FAM118B: variants seen among roughly 807,000 people sequenced by gnomAD.
FAM118B encodes the protein SIR2 antiphage like 1.
Under a neutral mutation model 38.5 loss-of-function variants are expected in FAM118B, and 24 were observed. The observed-to-expected ratio is 0.62, with a 90% CI of 0.45 to 0.88. The LOEUF (loss-of-function observed/expected upper bound fraction) is 0.88, where lower values mean the gene tolerates loss of function less well. FAM118B is among the 40% of genes least tolerant of loss of function. The pLI, the probability that FAM118B is intolerant of heterozygous loss-of-function variation, is 0.00. For missense variants in FAM118B, 334 were observed against 420.0 expected (o/e 0.80, Z 1.79); for synonymous variants, 138 against 156.3 (o/e 0.88, Z 0.87).
chr11:126,240,880 G>A lies in FAM118B; in HGVS notation c.175G>A (p.Val59Ile), dbSNP rs1287089251. The stretch of plus-strand genomic sequence containing the variant: ...CATTAGTGCTGCAGTTGCGCCCCAA[G>A]TTCCAGCCCTCAAATCCTGGAAGGG... ...TGISAAVAPQ[V>I]PALKSWKGLI... Residue 59 changes from valine to isoleucine, a missense_variant, in exon 4 of 9, where the codon GTT (valine) becomes ATT (isoleucine). By Grantham distance (29) the Val-to-Ile change is conservative (BLOSUM62 3). Around this residue, in one of 3 missense-constraint regions of FAM118B, gnomAD observed 240 missense variants for 295.9 expected, o/e 0.81. Coordinates refer to ENST00000533050, the MANE Select transcript of FAM118B (RefSeq NM_024556.4). The A allele has an allele frequency of 1.2e-6, 2 of 1,614,204 alleles. No homozygotes were observed. Among genetic ancestry groups the A allele is most frequent in the East Asian group, 2.2e-5 (1 of 44,894 alleles).
intron 3 of FAM118B, among the ~76,000 whole-genome samples, chr11:126,238,213 T>G (rs1007898101): frequency 6.6e-6 from 1 of 151,700 alleles, no homozygotes; most frequent in African/African-American, 2.4e-5. Context: ...AATACAAAAA[T>G]TGGCTGGGTG....
intron 6 of FAM118B, among the ~76,000 whole-genome samples, chr11:126,254,776 TG>T (rs1950551034): frequency 6.6e-6 from 1 of 152,136 alleles, no homozygotes; most frequent in Non-Finnish European, 1.5e-5. Flanking sequence ...TAGTGAGCTG[TG>T]TCTAGAGCCA....
rs1355725970 is a variant in FAM118B, at chr11:126,253,515, T to G, written c.568-790T>G. Among the ~76,000 whole-genome samples the G allele has an allele frequency of 1.3e-5, 2 of 152,238 alleles. No individual in the cohort carries two copies. The highest frequency in any genetic ancestry group is 4.8e-5 in the African/African-American group (2 of 41,466). On this transcript the variant is annotated intron_variant, in intron 5 of 8. Transcript: ENST00000533050. This position sits in a 1 kb window ranked among gnomAD's most constrained non-coding sequence, Gnocchi z 5.1. ...CCTCAGAGGTGACTGAAGTGATTTT[T>G]CTATCACTTATCTATTGCTGTACAA...
At chr11:126,219,349 C>CTTCTTTTTTTTTTTTTTTTTTTTTT (rs1950028762) in intron 1 of FAM118B, among the ~76,000 whole-genome samples, 1 of 44,414 alleles carries the variant, frequency 2.3e-5, no homozygotes, top group Non-Finnish European at 3.9e-5. Context: ...TCTTGTTTAT[C>CTTCTTTTTTTTTTTTTTTTTTTTTT]TTTTTTTTTT....
At chr11:126,225,585 T>C (rs1012492269) in intron 1 of FAM118B, among the ~76,000 whole-genome samples, 1 of 152,230 alleles carries the variant, frequency 6.6e-6, no homozygotes, top group Non-Finnish European at 1.5e-5. Context: ...GAGTGTCCTT[T>C]TGTAGTTTCT....
intron 3 of FAM118B, among the ~76,000 whole-genome samples, chr11:126,237,349 T>A (rs1283847563): frequency 6.7e-6 from 1 of 148,596 alleles, no homozygotes; most frequent in Non-Finnish European, 1.5e-5. Flanking sequence ...GCCTCCTGAG[T>A]AGCTGGGATT....
rs1481707908 is a variant in FAM118B at position 126,255,988 on chromosome 11, T to C, written c.697-579T>C. Among the ~76,000 whole-genome samples the C allele has an allele frequency of 6.6e-6, 1 of 151,592 alleles. No individual in the cohort carries two copies. Among genetic ancestry groups the C allele is most frequent in the African/African-American group, 2.4e-5 (1 of 41,266 alleles). On this transcript the variant is annotated intron_variant, in intron 6 of 8. Transcript: ENST00000533050. This position sits in a 1 kb window ranked among gnomAD's most constrained non-coding sequence, Gnocchi z 4.6. ...AAATAAAAATAAAAAAGTAAACTAC[T>C]GGCCAAGTGCAGTGGCTCACGCCTG...
At chr11:126,254,201 T>G in intron 5 of FAM118B, 104 bp from the exon 6 acceptor site, 1 of 1,367,228 alleles carries the variant, frequency 7.3e-7, no homozygotes, top group Non-Finnish European at 9.9e-7. Context: ...AGCTAGAGAG[T>G]TTATGTCAGA....
intron 1 of FAM118B, among the ~76,000 whole-genome samples, chr11:126,219,868 AAAAG>A (rs1195858257): frequency 6.6e-6 from 1 of 152,112 alleles, no homozygotes; most frequent in Non-Finnish European, 1.5e-5. Flanking sequence ...AAAAAAAAAA[AAAAG>A]CAGCTCGAGC....
chr11:126,247,965 ACTAT>A (rs940841439), intron 4 of FAM118B, among the ~76,000 whole-genome samples: 2 of 144,488 alleles, frequency 1.4e-5, no homozygotes, highest in African/African-American at 2.6e-5. Flanking sequence ...ACAGACACAC[ACTAT>A]CAATACATTA....
At chr11:126,243,950 A>G (rs577025934) in intron 4 of FAM118B, among the ~76,000 whole-genome samples, 5 of 152,220 alleles carry the variant, frequency 3.3e-5, no homozygotes, top group Non-Finnish European at 7.4e-5. Flanking sequence ...CATCATATCA[A>G]TAGGATAAAA....
rs79886580 is a variant in FAM118B, at chr11:126,255,504, C to T, written c.697-1063C>T. Among the ~76,000 whole-genome samples the T allele has an allele frequency of 0.01, 1,588 of 152,242 alleles. 69 individuals carry two copies. In the East Asian group the frequency reaches 0.12, roughly 12 times the overall value. Reference sequence around the variant, plus strand: ...GTGTATATGTATACACACACACACACATACTGATGTTCTAAGTATCAAACG... The same window carrying T: ...GTGTATATGTATACACACACACACATATACTGATGTTCTAAGTATCAAACG... On this transcript the variant is annotated intron_variant, in intron 6 of 8. Transcript: ENST00000533050. The surrounding 1 kb of genome is among the most constrained non-coding windows in gnomAD (Gnocchi z 4.6).
In FAM118B at chr11:126,253,028, C is replaced by CT. The variant is rs1444017697; in HGVS notation, c.568-1276dup. ...CCAATCTGGGCAACAGACCAAGACT[C>CT]TGTCTAAAAACAAACAAACAAATGA... On this transcript the variant is annotated intron_variant, in intron 5 of 8. Transcript: ENST00000533050. This position sits in a 1 kb window ranked among gnomAD's most constrained non-coding sequence, Gnocchi z 5.1. 6.6e-6 allele frequency among the ~76,000 whole-genome samples: 1 copy of CT among 152,172 alleles called. No homozygotes were observed. The highest frequency in any genetic ancestry group is 2.4e-5 in the African/African-American group (1 of 41,452).
At chr11:126,220,905 G>T (rs1419942013) in intron 1 of FAM118B, among the ~76,000 whole-genome samples, 3 of 151,972 alleles carry the variant, frequency 2.0e-5, no homozygotes, top group Non-Finnish European at 4.4e-5. Context: ...GAGAATAGTA[G>T]GCCGGGCGCA....
chr11:126,247,234 A>T (rs1324144492), intron 4 of FAM118B, among the ~76,000 whole-genome samples: 1 of 152,118 alleles, frequency 6.6e-6, no homozygotes, highest in Non-Finnish European at 1.5e-5. Flanking sequence ...CAAGGCTGCA[A>T]TGAGCCACGT....
In FAM118B at chr11:126,241,030, C is replaced by T; in HGVS notation, c.325C>T (p.Gln109Ter). The change falls in exon 4 of 9, where the codon CAG becomes TAG. Residue 109 changes from glutamine to a stop codon, truncating the protein, a stop_gained. Coordinates refer to ENST00000533050, the MANE Select transcript of FAM118B (RefSeq NM_024556.4). LOFTEE classifies it high-confidence loss of function. ...GGTCCATGTTGCCCATGACCTTATC[C>T]AGAAACTCTCTCCTGTGAGTACCCT... ...NLVHVAHDLI[Q>*]KLSPRTSNVR... 6.3e-7 allele frequency: 1 copy of T among 1,598,822 alleles called. No homozygotes were observed. The highest frequency in any genetic ancestry group is 8.5e-7 in the Non-Finnish European group (1 of 1,171,778).
intron 1 of FAM118B, chr11:126,214,510 T>G (rs1489022789): frequency 2.1e-5 from 1 of 48,188 alleles, no homozygotes; most frequent in African/African-American, 6.1e-5. Context: ...TTTGTTTTTT[T>G]TTTGTTTTTT....
Position 126,256,686 on chromosome 11 carries a change from A to G in FAM118B, c.816A>G (p.Leu272=). ...AGGCTGTCAAGCATAAATCTGACCTAGAACATTTCATGCTGGTTCGGAGAG... is the reference window on the plus strand; with the variant it reads ...AGGCTGTCAAGCATAAATCTGACCTGGAACATTTCATGCTGGTTCGGAGAG... ...FLEAVKHKSD[L]EHFMLVRRGD... is the part of the protein sequence containing the mutation. The change falls in exon 7 of 9, where the codon CTA becomes CTG. Residue 272 remains leucine (L), a synonymous_variant. Coordinates refer to ENST00000533050, the MANE Select transcript of FAM118B (RefSeq NM_024556.4). The surrounding 1 kb of genome is among the most constrained non-coding windows in gnomAD (Gnocchi z 6.6). 1.2e-6 allele frequency: 2 copies of G among 1,614,210 alleles called. No homozygotes were observed. Among genetic ancestry groups the G allele is most frequent in the East Asian group, 2.2e-5 (1 of 44,886 alleles).
In FAM118B at chr11:126,252,046, G is replaced by A. The variant is rs1011825129; in HGVS notation, c.567+1313G>A. ...TTGTCGCCCAGGCTGAAGTGCAATG[G>A]CATGATCTCAGCTCACTGCAACCTC... On this transcript the variant is annotated intron_variant, in intron 5 of 8. Coordinates refer to ENST00000533050, the MANE Select transcript of FAM118B (RefSeq NM_024556.4). The surrounding 1 kb of genome is among the most constrained non-coding windows in gnomAD (Gnocchi z 4.7). Among the ~76,000 whole-genome samples, 2 of 151,600 alleles carry A rather than the reference G, an allele frequency of 1.3e-5. No individual in the cohort carries two copies. The highest frequency in any genetic ancestry group is 2.9e-5 in the Non-Finnish European group (2 of 67,968).
Sources: gnomAD v4.1 joint callset for allele counts (sites outside exome capture counted in the v4.1 genomes callset) on GRCh38, gnomAD v4.1.1 for gene constraint, gnomAD v4.1.1 regional missense constraint, Gnocchi (gnomAD v3.1) non-coding constraint, MANE v1.5 for transcripts, NCBI Gene and HGNC (gene_info 2026-07-23, HGNC 2026-07-21) for gene names.